The following SERINC5 variants were observed in gnomAD, a reference collection of about 807,000 sequenced individuals.
SERINC5 encodes chromosome 5 open reading frame 12.
A neutral mutation model predicts 63.1 loss-of-function variants in SERINC5; 41 were observed. The observed-to-expected ratio is 0.65, with a 90% CI of 0.51 to 0.84. The LOEUF is 0.84. Among genes scored for constraint, SERINC5 ranks in the 40% least tolerant of loss-of-function variants. The pLI is 0.00. For synonymous variants in SERINC5, 222 were observed against 215.2 expected, an observed-to-expected ratio of 1.03 and a Z score of -0.28; for missense variants, 523 against 573.0, an observed-to-expected ratio of 0.91 and a Z score of 0.89.
At chr5:80,169,644 T>A in intron 5 of SERINC5, 98 bp from the exon 6 acceptor site, 1 of 897,852 alleles carries the variant, frequency 1.1e-6, no homozygotes, top group Non-Finnish European at 1.7e-6. Context: ...AGGCAGTAAC[T>A]AATGCTACAG....
rs571946785 is a variant in SERINC5 at position 80,166,160 on chromosome 5, T to A, written c.859+223A>T. ...TTAAATGTACAATTAAATTTGACTATAGTCACCCTGTTGTGCTATCAAATA... is the reference window on the plus strand; with the variant it reads ...TTAAATGTACAATTAAATTTGACTAAAGTCACCCTGTTGTGCTATCAAATA... On this transcript the variant is annotated intron_variant, in intron 7 of 11. Transcript: ENST00000507668. Among the ~76,000 whole-genome samples, 8 of 152,314 alleles carry A rather than the reference T, an allele frequency of 5.3e-5. No individual in the cohort carries two copies. The South Asian group carries it at 1.2e-3, about 24-fold the overall frequency.
intron 7 of SERINC5, among the ~76,000 whole-genome samples, chr5:80,160,177 G>A (rs1029468611): frequency 6.6e-6 from 1 of 152,168 alleles, no homozygotes; most frequent in Admixed American, 6.5e-5. Context: ...TGGATTGGAG[G>A]ACACCCAACT....
intron 1 of SERINC5, among the ~76,000 whole-genome samples, chr5:80,212,671 G>C (rs1457031840): frequency 7.5e-6 from 1 of 133,540 alleles, no homozygotes. Context: ...GGGGTGGGGG[G>C]GGGGTGTTGG....
intron 11 of SERINC5, among the ~76,000 whole-genome samples, chr5:80,145,187 A>T (rs374462866): frequency 1.7e-4 from 25 of 147,836 alleles, no homozygotes; most frequent in East Asian, 9.7e-4. Context: ...AAAAATAATA[A>T]AAAAAAAAAT....
intron 2 of SERINC5, among the ~76,000 whole-genome samples, chr5:80,182,544 G>C (rs13180611): frequency 0.025 from 720 of 29,160 alleles, 8 homozygotes; most frequent in African/African-American, 0.13. Context: ...TCATCTGACC[G>C]CCCCCCCCCC....
rs141553566 is a variant in SERINC5, at chr5:80,233,527, A to T, written c.27+22369T>A. ...TAATTCTAAAATCACTTGGTTGGAC[A>T]TCTCTGCTCATTAGAGAAGTGCAAG... On this transcript the variant is annotated intron_variant, in intron 1 of 11. Coordinates refer to ENST00000507668, the MANE Select transcript of SERINC5 (RefSeq NM_001174072.3). 3.2e-3 allele frequency among the ~76,000 whole-genome samples: 481 copies of T among 152,300 alleles called. 2 individuals carry two copies. The highest frequency in any genetic ancestry group is 0.011 in the African/African-American group (463 of 41,584).
At chr5:80,243,020 G>T (rs1752014169) in intron 1 of SERINC5, among the ~76,000 whole-genome samples, 1 of 152,274 alleles carries the variant, frequency 6.6e-6, no homozygotes, top group East Asian at 1.9e-4. Flanking sequence ...TATCTCCCTG[G>T]CTGCAGCACC....
chr5:80,129,088 G>A (rs968582606), intron 11 of SERINC5: 1 of 152,188 alleles, frequency 6.6e-6, no homozygotes, highest in African/African-American at 2.4e-5. Context: ...ATTAACTGAA[G>A]CTATGACAGG....
intron 2 of SERINC5, among the ~76,000 whole-genome samples, chr5:80,183,519 G>A (rs1343774043): frequency 2.6e-5 from 4 of 152,090 alleles, no homozygotes; most frequent in Admixed American, 6.5e-5. Flanking sequence ...TGACTTGCAC[G>A]TATACGCCCA....
chr5:80,160,918 A>G lies in SERINC5; in HGVS notation c.860-1956T>C, dbSNP rs905105734. On this transcript the variant is annotated intron_variant, in intron 7 of 11. Transcript: ENST00000507668. Reference sequence around the variant, plus strand: ...TTCCATTGTGTGGAGATAGATATATATATGTGTGTGTGTGTGTATATATAT... The same window carrying G: ...TTCCATTGTGTGGAGATAGATATATGTATGTGTGTGTGTGTGTATATATAT... Among the ~76,000 whole-genome samples, 23 of 148,572 alleles carry G rather than the reference A, an allele frequency of 1.5e-4. 1 individual carries two copies. Among genetic ancestry groups the G allele is most frequent in the African/African-American group, 5.9e-4 (23 of 39,084 alleles).
At chr5:80,221,328 C>A (rs1395056432) in intron 1 of SERINC5, among the ~76,000 whole-genome samples, 1 of 152,242 alleles carries the variant, frequency 6.6e-6, no homozygotes, top group East Asian at 1.9e-4. Flanking sequence ...ACACACCCAA[C>A]AGCCAGCTGC....
intron 9 of SERINC5, among the ~76,000 whole-genome samples, chr5:80,148,390 A>C (rs1745962613): frequency 6.6e-6 from 1 of 151,346 alleles, no homozygotes; most frequent in Admixed American, 6.6e-5. Context: ...GGGTTTTTCC[A>C]TGTTGGTCAG....
Position 80,152,993 on chromosome 5 carries a change from G to C in SERINC5, c.987-2045C>G, listed in dbSNP as rs528623029. Among the ~76,000 whole-genome samples the C allele has an allele frequency of 3.3e-5, 5 of 152,196 alleles. No homozygotes were observed. In the South Asian group the frequency reaches 1.0e-3, roughly 32 times the overall value. ...AATATTCTACTCTATAAATTCTTTG[G>C]GTTAACGTAATTTCCGGAAAACAAA... On this transcript the variant is annotated intron_variant, in intron 8 of 11. Transcript: ENST00000507668.
intron 11 of SERINC5, chr5:80,114,455 A>T (rs13187082): frequency 6.1e-6 from 1 of 163,974 alleles, no homozygotes; most frequent in African/African-American, 2.4e-5. Flanking sequence ...GGAGTTCGAG[A>T]CCAGCCTGGC....
chr5:80,209,280 G>A (rs1750323605), intron 1 of SERINC5, among the ~76,000 whole-genome samples: 1 of 152,074 alleles, frequency 6.6e-6, no homozygotes, highest in Non-Finnish European at 1.5e-5. Context: ...CAACGAAAAA[G>A]GTATTTAAAA....
At chr5:80,125,886 G>C (rs1032464250) in intron 11 of SERINC5, among the ~76,000 whole-genome samples, 1 of 152,170 alleles carries the variant, frequency 6.6e-6, no homozygotes, top group African/African-American at 2.4e-5. Flanking sequence ...AGAAAAGCAA[G>C]ATCGAGAGAG....
chr5:80,169,663 C>A, intron 5 of SERINC5, 117 bp from the exon 6 acceptor site: 1 of 710,824 alleles, frequency 1.4e-6, no homozygotes, highest in South Asian at 1.8e-5. Context: ...AGGCCACAGG[C>A]ACTGGTACCC....
intron 2 of SERINC5, among the ~76,000 whole-genome samples, chr5:80,195,992 G>A (rs1749473286): frequency 6.6e-6 from 1 of 152,180 alleles, no homozygotes; most frequent in Non-Finnish European, 1.5e-5. Context: ...AACTACTCAA[G>A]TTCAAACAAG....
chr5:80,189,738 G>GACA (rs1345708578), intron 2 of SERINC5, among the ~76,000 whole-genome samples: 12 of 152,016 alleles, frequency 7.9e-5, no homozygotes, highest in Non-Finnish European at 1.6e-4. Flanking sequence ...TAGAGAAGGG[G>GACA]TCTTGCTCTG....
Sources: gnomAD v4.1 joint callset for allele counts (sites outside exome capture counted in the v4.1 genomes callset) on GRCh38, gnomAD v4.1.1 for gene constraint, MANE v1.5 for transcripts, NCBI Gene and HGNC (gene_info 2026-07-23, HGNC 2026-07-21) for gene names.